Variants in ENOX1 observed in about 807,000 individuals in gnomAD.
The protein encoded by ENOX1 is ecto-NOX disulfide-thiol exchanger 1.
Under a neutral mutation model 82.5 loss-of-function variants are expected in ENOX1, and 42 were observed. The observed-to-expected ratio is 0.51, with a 90% confidence interval of 0.40 to 0.66. The LOEUF (loss-of-function observed/expected upper bound fraction) is 0.66, where lower values mean the gene tolerates loss of function less well. Among genes scored for constraint, ENOX1 ranks in the 30% least tolerant of loss-of-function variants. The probability of loss-of-function intolerance (pLI) is 0.00; values close to 1 mark genes in which losing one functional copy is unlikely to be tolerated. For missense variants in ENOX1, 608 were observed against 811.6 expected (o/e 0.75, Z 3.05); for synonymous variants, 271 against 282.2 (o/e 0.96, Z 0.40).
rs570913691 is a variant in ENOX1, at chr13:43,241,378, A to G, written c.1612-4640T>C. ...GAAAAGAGGTTCCAGATGCCTAGCA[A>G]TTACAAAGTAGAAGTGAGTGAGTGG... is the stretch of plus-strand genomic sequence containing the variant. On this transcript the variant is annotated intron_variant, in intron 14 of 16. Coordinates refer to ENST00000690772, the MANE Select transcript of ENOX1 (RefSeq NM_001347969.2). Among the ~76,000 whole-genome samples the G allele has an allele frequency of 1.1e-3, 169 of 152,330 alleles. 1 individual carries two copies. The highest frequency in any genetic ancestry group is 3.8e-3 in the African/African-American group (160 of 41,582).
intron 14 of ENOX1, among the ~76,000 whole-genome samples, chr13:43,264,037 A>C (rs1207501361): frequency 6.6e-6 from 1 of 152,196 alleles, no homozygotes; most frequent in Non-Finnish European, 1.5e-5. Flanking sequence ...CACTCCCCAA[A>C]ACCAAACCCA....
At chr13:43,703,328 T>C (rs537529371) in intron 1 of ENOX1, among the ~76,000 whole-genome samples, 2 of 152,314 alleles carry the variant, frequency 1.3e-5, no homozygotes, top group South Asian at 2.1e-4. Flanking sequence ...GGAATAGACA[T>C]TGTAGCCAAC....
At chr13:43,722,297 T>C (rs946202548) in intron 1 of ENOX1, among the ~76,000 whole-genome samples, 2 of 152,210 alleles carry the variant, frequency 1.3e-5, no homozygotes, top group Non-Finnish European at 2.9e-5. Flanking sequence ...AGCAGGGCCT[T>C]AGGCAACAGA....
At chr13:43,687,990 A>G (rs1442457844) in intron 1 of ENOX1, among the ~76,000 whole-genome samples, 1 of 151,994 alleles carries the variant, frequency 6.6e-6, no homozygotes, top group Non-Finnish European at 1.5e-5. Flanking sequence ...CACAATATAA[A>G]CAAAATACTC....
At chr13:43,441,662 G>C (rs7331666) in intron 3 of ENOX1, among the ~76,000 whole-genome samples, 90,324 of 150,916 alleles carry the variant, frequency 0.6, 28,968 homozygotes, top group Non-Finnish European at 0.74. Flanking sequence ...CTACCTGCCC[G>C]AAGGCGGCAC....
In ENOX1 at chr13:43,337,631, T is replaced by G. The variant is rs185175854; in HGVS notation, c.1036+6907A>C. On this transcript the variant is annotated intron_variant, in intron 9 of 16. Coordinates refer to ENST00000690772, the MANE Select transcript of ENOX1 (RefSeq NM_001347969.2). ...GGTAGTGCCAGAAGCAAATACTTCA[T>G]TTTTTAGCCAGATAGCAGCATTTAT... Among the ~76,000 whole-genome samples, 267 of 152,264 alleles carry G rather than the reference T, an allele frequency of 1.8e-3. 11 individuals carry two copies. The South Asian group carries it at 0.048, about 27-fold the overall frequency.
At chr13:43,421,216 A>G (rs897229551) in intron 3 of ENOX1, among the ~76,000 whole-genome samples, 1 of 152,216 alleles carries the variant, frequency 6.6e-6, no homozygotes, top group African/African-American at 2.4e-5. Context: ...GTATCTAACT[A>G]GTTATTCATA....
chr13:43,732,818 C>T (rs1256376395), intron 1 of ENOX1, among the ~76,000 whole-genome samples: 1 of 152,224 alleles, frequency 6.6e-6, no homozygotes, highest in Non-Finnish European at 1.5e-5. Context: ...TGCATTTTCT[C>T]TGGCCTTTCA....
chr13:43,534,656 C>T (rs974597802), intron 2 of ENOX1, among the ~76,000 whole-genome samples: 2 of 152,026 alleles, frequency 1.3e-5, no homozygotes, highest in African/African-American at 2.4e-5. Flanking sequence ...GCTCCTAAAG[C>T]GCAGATGCCT....
At chr13:43,710,874 T>C in intron 1 of ENOX1, among the ~76,000 whole-genome samples, 1 of 151,980 alleles carries the variant, frequency 6.6e-6, no homozygotes, top group East Asian at 1.9e-4. Context: ...GAAATACCTT[T>C]TTTTTTTGGT....
At chr13:43,513,250 A>G (rs926947630) in intron 2 of ENOX1, among the ~76,000 whole-genome samples, 11 of 152,168 alleles carry the variant, frequency 7.2e-5, no homozygotes, top group Non-Finnish European at 1.5e-4. Flanking sequence ...CAGAGGTTGT[A>G]GTGAGCTGAG....
intron 1 of ENOX1, among the ~76,000 whole-genome samples, chr13:43,717,781 GA>G (rs1489326750): frequency 5.3e-5 from 8 of 152,010 alleles, no homozygotes; most frequent in African/African-American, 1.7e-4. Flanking sequence ...CAACAAACAT[GA>G]AAAAAAGCTC....
At chr13:43,305,618 A>T (rs1176121671) in intron 11 of ENOX1, among the ~76,000 whole-genome samples, 1 of 152,138 alleles carries the variant, frequency 6.6e-6, no homozygotes. Flanking sequence ...AGTACTCTGC[A>T]CCAGCAGCAG....
intron 1 of ENOX1, among the ~76,000 whole-genome samples, chr13:43,785,681 G>C (rs112176473): frequency 7.2e-5 from 11 of 152,312 alleles, no homozygotes; most frequent in African/African-American, 2.6e-4. Flanking sequence ...ATTCCACAGA[G>C]CTGGGCTTGC....
intron 1 of ENOX1, among the ~76,000 whole-genome samples, chr13:43,760,857 G>A (rs1950921298): frequency 8.7e-6 from 1 of 115,494 alleles, no homozygotes; most frequent in Non-Finnish European, 2.0e-5. Context: ...AAGCATTAAA[G>A]TGGAAAAAAA....
At chr13:43,686,001 G>A (rs1287134168) in intron 1 of ENOX1, among the ~76,000 whole-genome samples, 2 of 152,022 alleles carry the variant, frequency 1.3e-5, no homozygotes, top group African/African-American at 4.8e-5. Context: ...TCATGTATGA[G>A]TCCTTAGGGA....
intron 2 of ENOX1, among the ~76,000 whole-genome samples, chr13:43,615,995 G>C (rs11618610): frequency 0.32 from 46,975 of 147,826 alleles, 9,217 homozygotes; most frequent in Non-Finnish European, 0.44. Context: ...GTCTATCACT[G>C]ATAGGCATTT....
intron 2 of ENOX1, among the ~76,000 whole-genome samples, chr13:43,621,673 C>T (rs909661995): frequency 2.0e-5 from 3 of 152,210 alleles, no homozygotes; most frequent in African/African-American, 7.2e-5. Context: ...TCCTGTCTCA[C>T]AGCTCTTAAG....
chr13:43,465,179 G>A (rs1402140107), intron 3 of ENOX1, among the ~76,000 whole-genome samples: 1 of 152,126 alleles, frequency 6.6e-6, no homozygotes, highest in East Asian at 1.9e-4. Flanking sequence ...CCACATTTAA[G>A]GGGGAGGGTA....
Sources: gnomAD v4.1 joint callset for allele counts (sites outside exome capture counted in the v4.1 genomes callset) on GRCh38, gnomAD v4.1.1 for gene constraint, MANE v1.5 for transcripts, NCBI Gene and HGNC (gene_info 2026-07-23, HGNC 2026-07-21) for gene names.